Variants in OPCML observed in about 807,000 individuals in gnomAD.
The protein encoded by OPCML is opioid-binding protein/cell adhesion molecule.
In OPCML, 13 loss-of-function variants were observed where a neutral mutation model predicts 37.8. The observed-to-expected ratio is 0.34, with a 90% CI of 0.22 to 0.55. OPCML has a LOEUF of 0.55. OPCML is among the 20% of genes least tolerant of loss of function. OPCML has a pLI of 0.91. For missense variants in OPCML, 341 were observed against 435.6 expected, an observed-to-expected ratio of 0.78 and a Z score of 1.93; for synonymous variants, 176 against 168.8, an observed-to-expected ratio of 1.04 and a Z score of -0.33.
At chr11:132,785,414 A>C (rs975992326) in intron 2 of OPCML, among the ~76,000 whole-genome samples, 1 of 152,236 alleles carries the variant, frequency 6.6e-6, no homozygotes, top group Non-Finnish European at 1.5e-5. Context: ...TACCCTTATG[A>C]ACTTGGTACA....
chr11:132,967,602 A>G (rs1382073820), intron 1 of OPCML, among the ~76,000 whole-genome samples: 1 of 152,166 alleles, frequency 6.6e-6, no homozygotes, highest in African/African-American at 2.4e-5. Context: ...ACATTTCTAT[A>G]TATTATAAGC....
At chr11:132,797,742 GT>G (rs1469400275) in intron 2 of OPCML, among the ~76,000 whole-genome samples, 1 of 152,128 alleles carries the variant, frequency 6.6e-6, no homozygotes, top group Non-Finnish European at 1.5e-5. Context: ...ACATAAATAA[GT>G]TAAAAAATAA....
intron 1 of OPCML, among the ~76,000 whole-genome samples, chr11:133,495,563 C>G (rs1041953027): frequency 1.3e-5 from 2 of 152,136 alleles, no homozygotes; most frequent in Admixed American, 6.5e-5. Context: ...ACACCAGCAT[C>G]TACCGTTTTT....
intron 4 of OPCML, among the ~76,000 whole-genome samples, chr11:132,528,590 A>G (rs2096314900): frequency 6.6e-6 from 1 of 152,198 alleles, no homozygotes; most frequent in South Asian, 2.1e-4. Flanking sequence ...CTTCCACTCA[A>G]GGTGAACTAT....
intron 1 of OPCML, chr11:133,006,669 GATCCCACAT>G: frequency 1.0e-6 from 1 of 985,390 alleles, no homozygotes; most frequent in Non-Finnish European, 1.2e-6. Context: ...GCCCTTCCCT[GATCCCACAT>G]GTCTGCCACT....
At chr11:133,268,546 G>T (rs1481911207) in intron 1 of OPCML, among the ~76,000 whole-genome samples, 1 of 152,184 alleles carries the variant, frequency 6.6e-6, no homozygotes, top group African/African-American at 2.4e-5. Context: ...GGAAGCCATA[G>T]TCATCAGAGA....
intron 2 of OPCML, among the ~76,000 whole-genome samples, chr11:132,661,682 T>C (rs1261944733): frequency 6.6e-6 from 1 of 152,212 alleles, no homozygotes; most frequent in Admixed American, 6.5e-5. Flanking sequence ...TTAAAATTCT[T>C]ACATTCCAAG....
At chr11:133,079,928 A>G (rs1948684028) in intron 1 of OPCML, among the ~76,000 whole-genome samples, 1 of 152,220 alleles carries the variant, frequency 6.6e-6, no homozygotes, top group African/African-American at 2.4e-5. Context: ...CCCTTTTCAC[A>G]AAGCAGCTCA....
intron 1 of OPCML, among the ~76,000 whole-genome samples, chr11:132,965,768 T>C (rs1422413193): frequency 6.6e-6 from 1 of 152,170 alleles, no homozygotes; most frequent in Admixed American, 6.5e-5. Flanking sequence ...CTGAACCTTG[T>C]GATGGATCTG....
At chr11:133,129,331 A>G (rs1422379245) in intron 1 of OPCML, among the ~76,000 whole-genome samples, 1 of 152,184 alleles carries the variant, frequency 6.6e-6, no homozygotes, top group Non-Finnish European at 1.5e-5. Context: ...CACAGGGCCA[A>G]GAAGAGTGCT....
intron 1 of OPCML, among the ~76,000 whole-genome samples, chr11:133,215,056 A>G (rs1939525902): frequency 6.6e-6 from 1 of 152,224 alleles, no homozygotes; most frequent in Admixed American, 6.5e-5. Flanking sequence ...CATAGTCACA[A>G]ATATACCTAG....
intron 4 of OPCML, among the ~76,000 whole-genome samples, chr11:132,520,611 G>T (rs969518850): frequency 1.3e-5 from 2 of 151,710 alleles, no homozygotes; most frequent in African/African-American, 4.8e-5. Flanking sequence ...AAATGGTAGA[G>T]ATAGGTACCC....
At chr11:133,005,655 A>AG in intron 1 of OPCML, 1 of 983,192 alleles carries the variant, frequency 1.0e-6, no homozygotes, top group Non-Finnish European at 1.2e-6. Context: ...AGAAAAAAAA[A>AG]CTGTTATGCA....
intron 1 of OPCML, among the ~76,000 whole-genome samples, chr11:133,253,494 G>C (rs951402012): frequency 3.3e-5 from 5 of 152,094 alleles, no homozygotes; most frequent in Non-Finnish European, 4.4e-5. Flanking sequence ...ATTTTTAGTA[G>C]AGACAGGGTT....
At chr11:133,433,670 A>G (rs1565631249) in intron 1 of OPCML, among the ~76,000 whole-genome samples, 1 of 152,214 alleles carries the variant, frequency 6.6e-6, no homozygotes, top group Non-Finnish European at 1.5e-5. Context: ...TAAGGATCCC[A>G]AGAAGCCTCT....
chr11:132,436,744 C>T lies in OPCML; in HGVS notation c.679G>A (p.Val227Ile). The T allele has an allele frequency of 6.2e-7, 1 of 1,614,134 alleles. No homozygotes were observed. The highest frequency in any genetic ancestry group is 8.5e-7 in the Non-Finnish European group (1 of 1,180,020). ...PYISKAKNTG[V>I]SVGQKGILSC... ...AGGATGCCCTTCTGACCGACTGAAACACCAGTGTTCTTGGCTTTTGAGATA... is the reference window on the plus strand; with the variant it reads ...AGGATGCCCTTCTGACCGACTGAAATACCAGTGTTCTTGGCTTTTGAGATA... The change falls in exon 6 of 8, where the codon GTT (valine) becomes ATT (isoleucine). Residue 227 changes from valine (V) to isoleucine (I), a missense_variant. Val to Ile is a conservative substitution (Grantham distance 29, BLOSUM62 3). Coordinates refer to ENST00000524381, the MANE Select transcript of OPCML (RefSeq NM_001012393.5).
chr11:133,203,846 C>T (rs979496902), intron 1 of OPCML, among the ~76,000 whole-genome samples: 1 of 151,984 alleles, frequency 6.6e-6, no homozygotes, highest in African/African-American at 2.4e-5. Context: ...ATCACGAGGT[C>T]AGGAGATGGA....
At chr11:133,184,977 T>C (rs1565491494) in intron 1 of OPCML, among the ~76,000 whole-genome samples, 1 of 152,182 alleles carries the variant, frequency 6.6e-6, no homozygotes, top group Non-Finnish European at 1.5e-5. Flanking sequence ...GTTCGATGGC[T>C]GGCTTGATTT....
intron 1 of OPCML, among the ~76,000 whole-genome samples, chr11:133,523,941 G>A (rs956022787): frequency 6.6e-6 from 1 of 152,154 alleles, no homozygotes; most frequent in Non-Finnish European, 1.5e-5. Context: ...GACAATCACA[G>A]CACCACACAC....
Sources: allele counts gnomAD v4.1 joint callset (sites outside exome capture counted in the v4.1 genomes callset), GRCh38; gene constraint gnomAD v4.1.1; transcripts MANE v1.5; gene names NCBI Gene and HGNC (gene_info 2026-07-23, HGNC 2026-07-21).